PLCH1: variants seen among roughly 807,000 people sequenced by gnomAD.
The protein encoded by PLCH1 is phospholipase C eta 1.
In PLCH1, 60 loss-of-function variants were observed where a neutral mutation model predicts 126.7. The observed-to-expected ratio is 0.47, with a 90% confidence interval of 0.38 to 0.59. PLCH1 has a LOEUF of 0.59. PLCH1 is among the 20% of genes least tolerant of loss of function. The pLI is 0.00. For missense variants in PLCH1, 1,723 were observed against 2,040.0 expected (o/e 0.84, Z 2.99); for synonymous variants, 719 against 734.9 (o/e 0.98, Z 0.35).
Position 155,554,108 on chromosome 3 carries a change from C to T in PLCH1, c.1158G>A (p.Glu386=). The change falls in exon 9 of 23, where the codon GAG becomes GAA. Residue 386 remains glutamate, a synonymous_variant. Coordinates refer to ENST00000460012, the MANE Select transcript of PLCH1 (RefSeq NM_014996.4). ...TCACAAAGGCATGCTTGTTGATGGT[C>T]TCCACAACATCTCTGAAGAGAATTT... ...TSKILFRDVV[E]TINKHAFVKN... is the part of the protein sequence containing the mutation. The T allele has an allele frequency of 6.2e-7, 1 of 1,613,780 alleles. No homozygotes were observed. The highest frequency in any genetic ancestry group is 8.5e-7 in the Non-Finnish European group (1 of 1,179,696).
At chr3:155,559,186 A>T (rs758910866) in intron 8 of PLCH1, among the ~76,000 whole-genome samples, 20 of 152,208 alleles carry the variant, frequency 1.3e-4, no homozygotes, top group Non-Finnish European at 2.8e-4. Flanking sequence ...CTGAGTTCAA[A>T]TCCCAGCTTC....
intron 2 of PLCH1, among the ~76,000 whole-genome samples, chr3:155,638,030 G>A (rs775892164): frequency 2.0e-5 from 3 of 152,208 alleles, no homozygotes; most frequent in Admixed American, 2.0e-4. Flanking sequence ...AAAGCTTGAT[G>A]ATAAACATCA....
chr3:155,736,429 G>A (rs767248988), intron 1 of PLCH1, among the ~76,000 whole-genome samples: 47 of 152,162 alleles, frequency 3.1e-4, no homozygotes, highest in Non-Finnish European at 6.2e-4. Context: ...GGAAAATTCA[G>A]GAATAATCAC....
chr3:155,687,594 T>G (rs1745051177), intron 2 of PLCH1, among the ~76,000 whole-genome samples: 1 of 152,084 alleles, frequency 6.6e-6, no homozygotes, highest in East Asian at 1.9e-4. Context: ...GAAGCAAAAA[T>G]ATAATCAGAG....
chr3:155,512,305 TA>T (rs1719687324), intron 12 of PLCH1, among the ~76,000 whole-genome samples: 1 of 152,048 alleles, frequency 6.6e-6, no homozygotes, highest in South Asian at 2.1e-4. Context: ...AATTATTGAG[TA>T]AGACATTGTC....
rs534998205 is a variant in PLCH1, at chr3:155,511,944, C to T, written c.1632+2779G>A. ...GCCTGGGCAATGGCGGGCGCCCCTCCCCCAGCCTCATTGCCGCCTTGCAGT... is the reference window on the plus strand; with the variant it reads ...GCCTGGGCAATGGCGGGCGCCCCTCTCCCAGCCTCATTGCCGCCTTGCAGT... On this transcript the variant is annotated intron_variant, in intron 12 of 22. Coordinates refer to ENST00000460012, the MANE Select transcript of PLCH1 (RefSeq NM_014996.4). Among the ~76,000 whole-genome samples the T allele has an allele frequency of 9.9e-5, 15 of 152,180 alleles. No individual in the cohort carries two copies. In the East Asian group the frequency reaches 2.5e-3, roughly 26 times the overall value.
At chr3:155,739,428 A>G (rs1749453127) in intron 1 of PLCH1, among the ~76,000 whole-genome samples, 1 of 152,184 alleles carries the variant, frequency 6.6e-6, no homozygotes, top group African/African-American at 2.4e-5. Context: ...AAAAATCTCT[A>G]CAGCACATAA....
intron 2 of PLCH1, among the ~76,000 whole-genome samples, chr3:155,637,745 CA>C (rs1247368209): frequency 6.6e-6 from 1 of 152,096 alleles, no homozygotes; most frequent in African/African-American, 2.4e-5. Flanking sequence ...AACACTTTCC[CA>C]AAACCCAAGA....
chr3:155,481,149 T>C lies in PLCH1; in HGVS notation c.4877A>G (p.Tyr1626Cys). ...PAVNRHSTGSYIAGYLKNTKG... is the reference protein window; with the variant it reads ...PAVNRHSTGSCIAGYLKNTKG... The stretch of plus-strand genomic sequence containing the variant: ...CGTGTTCTTCAGGTAGCCTGCGATG[T>C]AGGAGCCGGTGGAGTGGCGATTCAC... The change falls in exon 23 of 23, where the codon TAC (tyrosine) becomes TGC (cysteine). Residue 1626 changes from tyrosine to cysteine, a missense_variant. Tyr to Cys is a radical substitution (Grantham distance 194, BLOSUM62 -2). This residue lies in a region of PLCH1 where 947 missense variants were observed against 977.1 expected (regional missense o/e 0.97). Coordinates refer to ENST00000460012, the MANE Select transcript of PLCH1 (RefSeq NM_014996.4). This position sits in a 1 kb window ranked among gnomAD's most constrained non-coding sequence, Gnocchi z 4.2. 1 of 1,614,228 alleles carries C rather than the reference T, an allele frequency of 6.2e-7. No homozygotes were observed. The highest frequency in any genetic ancestry group is 1.1e-5 in the South Asian group (1 of 91,090).
At chr3:155,550,682 AT>A (rs1222848274) in intron 9 of PLCH1, among the ~76,000 whole-genome samples, 2 of 152,090 alleles carry the variant, frequency 1.3e-5, no homozygotes, top group Non-Finnish European at 2.9e-5. Flanking sequence ...TCTCAACCTT[AT>A]TTTTTCCTCA....
chr3:155,549,776 G>A lies in PLCH1; in HGVS notation c.1362+11C>T, dbSNP rs1175486525. 2.5e-6 allele frequency: 4 copies of A among 1,596,212 alleles called. No homozygotes were observed. The South Asian group carries it at 4.4e-5, about 18-fold the overall frequency. ...ATGAATGTCTTTTATTGCATTACTTGAAGTAATTACCTTCACTAGAATTTT... is the reference window on the plus strand; with the variant it reads ...ATGAATGTCTTTTATTGCATTACTTAAAGTAATTACCTTCACTAGAATTTT... On this transcript the variant is annotated intron_variant, in intron 10 of 22. Transcript: ENST00000460012.
intron 10 of PLCH1, among the ~76,000 whole-genome samples, chr3:155,541,282 G>A (rs1268383158): frequency 6.6e-6 from 1 of 152,208 alleles, no homozygotes; most frequent in Non-Finnish European, 1.5e-5. Flanking sequence ...ACTGGGTACA[G>A]TGTACATTGC....
chr3:155,658,807 T>G (rs901535379), intron 2 of PLCH1, among the ~76,000 whole-genome samples: 1 of 152,238 alleles, frequency 6.6e-6, no homozygotes, highest in Non-Finnish European at 1.5e-5. Flanking sequence ...AAGTATGCCT[T>G]TCACATTTGG....
Position 155,494,158 on chromosome 3 carries a change from G to T in PLCH1, c.2165C>A (p.Pro722His). 6.2e-7 allele frequency: 1 copy of T among 1,613,334 alleles called. No individual in the cohort carries two copies. Among genetic ancestry groups the T allele is most frequent in the Non-Finnish European group, 8.5e-7 (1 of 1,179,308 alleles). ...ATACACACCTTTGCACATTTGCTGG[G>T]GTTTGAGGACATAGCCACAATTGCC... The part of the protein sequence containing the change: ...ANGNCGYVLK[P>H]QQMCKGTFNP... The change falls in exon 17 of 23, where the codon CCC becomes CAC. Residue 722 changes from proline to histidine, a missense_variant. Pro to His is a moderately conservative substitution (Grantham distance 77). Transcript: ENST00000460012.
rs151058402 is a variant in PLCH1, at chr3:155,562,405, C to T, written c.1069+2510G>A. ...TTATTTTATGGCCCCCTATCCACTT[C>T]GCTTCCTTTCCTAGAACCATGGAGC... On this transcript the variant is annotated intron_variant, in intron 8 of 22. Transcript: ENST00000460012. Among the ~76,000 whole-genome samples, 618 of 152,262 alleles carry T rather than the reference C, an allele frequency of 4.1e-3. 5 individuals are homozygous for T. Among genetic ancestry groups the T allele is most frequent in the African/African-American group, 0.014 (584 of 41,564 alleles).
intron 10 of PLCH1, among the ~76,000 whole-genome samples, chr3:155,542,943 C>G (rs1724582599): frequency 6.6e-6 from 1 of 152,222 alleles, no homozygotes; most frequent in East Asian, 1.9e-4. Flanking sequence ...GGGGAAAAAA[C>G]AGAGCAGAAA....
At chr3:155,648,543 G>A (rs1740319957) in intron 2 of PLCH1, among the ~76,000 whole-genome samples, 1 of 152,154 alleles carries the variant, frequency 6.6e-6, no homozygotes, top group Non-Finnish European at 1.5e-5. Flanking sequence ...ACGTGCCTCA[G>A]TTATTCATAT....
Position 155,542,595 on chromosome 3 carries a change from C to G in PLCH1, c.1362+7192G>C, listed in dbSNP as rs1346780985. 1.3e-4 allele frequency among the ~76,000 whole-genome samples: 20 copies of G among 152,250 alleles called. No individual in the cohort carries two copies. In the East Asian group the frequency reaches 3.9e-3, roughly 29 times the overall value. On this transcript the variant is annotated intron_variant, in intron 10 of 22. Coordinates refer to ENST00000460012, the MANE Select transcript of PLCH1 (RefSeq NM_014996.4). Reference sequence around the variant, plus strand: ...GGCAGACTGTCTCCTCAAGTGGGTCCCTGACCCCTGACCCCCAAGCAGCCT... The same window carrying G: ...GGCAGACTGTCTCCTCAAGTGGGTCGCTGACCCCTGACCCCCAAGCAGCCT...
intron 21 of PLCH1, among the ~76,000 whole-genome samples, chr3:155,470,252 C>T (rs1027344541): frequency 6.6e-5 from 10 of 152,108 alleles, no homozygotes; most frequent in African/African-American, 1.9e-4. Flanking sequence ...GAGCTGAAAA[C>T]CAAGGCTCGA....
Sources: gnomAD v4.1 joint callset for allele counts (sites outside exome capture counted in the v4.1 genomes callset) on GRCh38, gnomAD v4.1.1 for gene constraint, gnomAD v4.1.1 regional missense constraint, Gnocchi (gnomAD v3.1) non-coding constraint, MANE v1.5 for transcripts, NCBI Gene and HGNC (gene_info 2026-07-23, HGNC 2026-07-21) for gene names.